The following NECTIN3 variants were observed in gnomAD, a reference collection of about 807,000 sequenced individuals.
The protein encoded by NECTIN3 is nectin cell adhesion molecule 3, also known as nectin-3.
In NECTIN3, 8 loss-of-function variants were observed where a neutral mutation model predicts 49.4. That is an observed-to-expected ratio of 0.16 (90% CI 0.10 to 0.29). The LOEUF (loss-of-function observed/expected upper bound fraction) is 0.29, where lower values mean the gene tolerates loss of function less well. Ranked by LOEUF, NECTIN3 falls within the 10% of genes least tolerant of loss-of-function variation. NECTIN3 has a pLI of 1.00. For missense variants in NECTIN3, 581 were observed against 654.6 expected (o/e 0.89, Z 1.23); for synonymous variants, 277 against 241.1 (o/e 1.15, Z -1.38).
intron 6 of NECTIN3, among the ~76,000 whole-genome samples, chr3:111,146,565 TAA>T (rs957131551): frequency 5.3e-5 from 8 of 152,308 alleles, no homozygotes; most frequent in African/African-American, 1.9e-4. Context: ...ATTTATCACT[TAA>T]GTTTTAATCA....
At chr3:111,089,401 T>G (rs1576081680) in intron 1 of NECTIN3, among the ~76,000 whole-genome samples, 1 of 146,654 alleles carries the variant, frequency 6.8e-6, no homozygotes, top group East Asian at 2.0e-4. Flanking sequence ...ATTTTCAGCC[T>G]TTCTCGTGTG....
intron 1 of NECTIN3, among the ~76,000 whole-genome samples, chr3:111,076,317 G>T (rs1469232691): frequency 6.6e-6 from 1 of 152,078 alleles, no homozygotes; most frequent in Non-Finnish European, 1.5e-5. Context: ...TTAAAAATTA[G>T]TGAGTAAATA....
chr3:111,080,005 G>A (rs2031490129), intron 1 of NECTIN3, among the ~76,000 whole-genome samples: 1 of 151,930 alleles, frequency 6.6e-6, no homozygotes, highest in African/African-American at 2.4e-5. Flanking sequence ...CTAGTACAGT[G>A]CCAAAGGATT....
At chr3:111,140,798 G>A (rs1011747514), downstream of NECTIN3, among the ~76,000 whole-genome samples, 1 of 151,798 alleles carries the variant, frequency 6.6e-6, no homozygotes, top group Non-Finnish European at 1.5e-5. Context: ...CACTCTCCCC[G>A]TAGATACAGT....
intron 1 of NECTIN3, chr3:111,072,522 T>G (rs2107341196): frequency 6.5e-7 from 1 of 1,535,856 alleles, no homozygotes; most frequent in African/African-American, 1.4e-5. Context: ...TAGGTTAAGG[T>G]GCCGGGATGC....
In NECTIN3 at chr3:111,136,006, T is replaced by TAAAA. The variant is rs2034562343; in HGVS notation, c.*1792_*1793insAAAA. 10 of 966,604 alleles carry TAAAA rather than the reference T, an allele frequency of 1.0e-5. No homozygotes were observed. Among genetic ancestry groups the TAAAA allele is most frequent in the Non-Finnish European group, 1.2e-5 (10 of 813,142 alleles). 59.9% of individuals were successfully genotyped at this position (966,604 alleles called of 1,614,324 possible). ...CTTATATACAAATATTACAACTTTT[T>TAAAA]AGTGCAAGTTTTTGGAAGAAAACTT... On this transcript the variant is annotated 3_prime_UTR_variant, in exon 6 of 6. Transcript: ENST00000485303.
Position 111,112,047 on chromosome 3 carries a change from A to G in NECTIN3, c.178A>G (p.Ile60Val), listed in dbSNP as rs1319019714. ...CTCCATAGGTGCCTTAGCTGGACCA[A>G]TTATTGTGGAGCCACATGTCACAGC... Reference protein sequence around the residue: ...SRLCGALAGPIIVEPHVTAVW... With the variant: ...SRLCGALAGPVIVEPHVTAVW... The change falls in exon 2 of 6, where the codon ATT becomes GTT. Residue 60 changes from isoleucine (I) to valine (V), a missense_variant. This residue lies in a region of NECTIN3 where 234 missense variants were observed against 340.6 expected (regional missense o/e 0.69). Transcript: ENST00000485303. 6.2e-7 allele frequency: 1 copy of G among 1,609,316 alleles called. No individual in the cohort carries two copies. The highest frequency in any genetic ancestry group is 8.5e-7 in the Non-Finnish European group (1 of 1,177,028).
intron 4 of NECTIN3, among the ~76,000 whole-genome samples, chr3:111,125,653 T>G (rs2107477543): frequency 6.6e-6 from 1 of 152,334 alleles, no homozygotes; most frequent in South Asian, 2.1e-4. Flanking sequence ...AAGACCCATT[T>G]TGCTGTTTTA....
intron 7 of NECTIN3, among the ~76,000 whole-genome samples, chr3:111,157,164 T>C (rs551329192): frequency 3.9e-4 from 59 of 152,204 alleles, no homozygotes; most frequent in Admixed American, 3.2e-3. Context: ...CTATCTGGAG[T>C]GGTACTTTAG....
intron 5 of NECTIN3, among the ~76,000 whole-genome samples, chr3:111,131,840 C>CT (rs1004551895): frequency 2.6e-5 from 4 of 151,686 alleles, no homozygotes; most frequent in Non-Finnish European, 5.9e-5. Flanking sequence ...CCATGAAAAA[C>CT]TTTAAAACTC....
intron 1 of NECTIN3, among the ~76,000 whole-genome samples, chr3:111,092,530 C>G (rs369338808): frequency 1.1e-4 from 16 of 152,028 alleles, no homozygotes; most frequent in South Asian, 2.1e-4. Flanking sequence ...CTAGTTGTTG[C>G]AGGACCATTT....
intron 1 of NECTIN3, among the ~76,000 whole-genome samples, chr3:111,083,338 G>A (rs1056531685): frequency 2.6e-5 from 4 of 152,266 alleles, no homozygotes; most frequent in South Asian, 2.1e-4. Context: ...TGTTGAGCTC[G>A]CAACCCTCAA....
At chr3:111,103,744 T>C (rs1234254194) in intron 1 of NECTIN3, among the ~76,000 whole-genome samples, 1 of 152,144 alleles carries the variant, frequency 6.6e-6, no homozygotes, top group African/African-American at 2.4e-5. Flanking sequence ...ACTGGAAAGA[T>C]TCTAGTTTCT....
At chr3:111,121,986 A>T (rs947843021) in intron 3 of NECTIN3, 135 bp from the exon 4 acceptor site, 9 of 605,706 alleles carry the variant, frequency 1.5e-5, no homozygotes, top group Non-Finnish European at 2.3e-5. Flanking sequence ...TTCTGTATTG[A>T]TTATACATGT....
At chr3:111,173,363 A>AT (rs781605365) in intron 7 of NECTIN3, among the ~76,000 whole-genome samples, 4 of 152,076 alleles carry the variant, frequency 2.6e-5, no homozygotes, top group Non-Finnish European at 4.4e-5. Context: ...ATCATACGTG[A>AT]TTTTTTCAGT....
At position 111,089,429 on chromosome 3, in the gene NECTIN3, G is replaced by GTA. The variant is rs201028492; in HGVS notation, c.160+17254_160+17255dup. On this transcript the variant is annotated intron_variant, in intron 1 of 5. Transcript: ENST00000485303. ...CTCGTGTGTGTGTGTGTGTGTGTGT[G>GTA]TATGTATATAAACATATACATACAC... Among the ~76,000 whole-genome samples, 5,862 of 150,174 alleles carry GTA rather than the reference G, an allele frequency of 0.039. 641 individuals carry two copies. In the East Asian group the frequency reaches 0.44, roughly 11 times the overall value.
At chr3:111,128,528 A>G (rs1426390223) in intron 5 of NECTIN3, among the ~76,000 whole-genome samples, 2 of 152,164 alleles carry the variant, frequency 1.3e-5, no homozygotes, top group Non-Finnish European at 2.9e-5. Flanking sequence ...AACTTAACAT[A>G]TTCAAAACCA....
intron 2 of NECTIN3, 58 bp downstream of exon 2, chr3:111,112,429 T>C: frequency 9.5e-7 from 1 of 1,053,600 alleles, no homozygotes; most frequent in Non-Finnish European, 1.3e-6. Flanking sequence ...AATAAAAATA[T>C]TTTTAAGAAA....
chr3:111,092,683 A>C (rs1203972716), intron 1 of NECTIN3, among the ~76,000 whole-genome samples: 1 of 152,210 alleles, frequency 6.6e-6, no homozygotes, highest in Non-Finnish European at 1.5e-5. Context: ...AGTTTTGATT[A>C]GTTTCAGTCA....
Sources: gnomAD v4.1 joint callset for allele counts (sites outside exome capture counted in the v4.1 genomes callset) on GRCh38, gnomAD v4.1.1 for gene constraint, gnomAD v4.1.1 regional missense constraint, MANE v1.5 for transcripts, NCBI Gene and HGNC (gene_info 2026-07-23, HGNC 2026-07-21) for gene names.